Variants in PTPRG observed in about 807,000 individuals in gnomAD.
The protein encoded by PTPRG is protein tyrosine phosphatase receptor type G.
PTPRG carries 102 observed loss-of-function variants against 165.3 expected under a neutral mutation model. The observed-to-expected ratio is 0.62, with a 90% confidence interval of 0.53 to 0.73. The LOEUF is 0.73. PTPRG is among the 30% of genes least tolerant of loss of function. The pLI is 0.00. For synonymous variants in PTPRG, 675 were observed against 669.5 expected (o/e 1.01, Z -0.13); for missense variants, 1,866 against 1,861.4 (o/e 1.00, Z -0.05).
intron 1 of PTPRG, among the ~76,000 whole-genome samples, chr3:61,738,280 A>ATG (rs1491126528): frequency 2.3e-4 from 3 of 13,228 alleles, no homozygotes; most frequent in Non-Finnish European, 8.1e-4. Flanking sequence ...ATATATATAC[A>ATG]TATATATATA....
At chr3:62,057,907 G>A (rs1241256544) in intron 4 of PTPRG, among the ~76,000 whole-genome samples, 1 of 152,180 alleles carries the variant, frequency 6.6e-6, no homozygotes, top group African/African-American at 2.4e-5. Flanking sequence ...ATTGTATGGA[G>A]GAATCAGTGG....
At chr3:61,881,302 A>C (rs912201706) in intron 2 of PTPRG, among the ~76,000 whole-genome samples, 1 of 152,198 alleles carries the variant, frequency 6.6e-6, no homozygotes, top group Non-Finnish European at 1.5e-5. Flanking sequence ...TACTGCATCT[A>C]TCAACTTGGG....
At chr3:61,653,032 T>C (rs1479086709) in intron 1 of PTPRG, among the ~76,000 whole-genome samples, 1 of 152,224 alleles carries the variant, frequency 6.6e-6, no homozygotes, top group African/African-American at 2.4e-5. Flanking sequence ...TTTGTATTCA[T>C]TGCAGAACAT....
intron 2 of PTPRG, among the ~76,000 whole-genome samples, chr3:61,945,307 C>T (rs13090184): frequency 0.36 from 54,405 of 151,892 alleles, 10,413 homozygotes; most frequent in Non-Finnish European, 0.44. Flanking sequence ...CGCCTGTAAT[C>T]TCAGCACTTT....
In PTPRG at chr3:61,712,141, G is replaced by C. The variant is rs919661980; in HGVS notation, c.86-36737G>C. 1.3e-3 allele frequency among the ~76,000 whole-genome samples: 198 copies of C among 152,104 alleles called. 6 individuals are homozygous for C. Among genetic ancestry groups the C allele is most frequent in the Non-Finnish European group, 2.2e-4 (15 of 68,020 alleles). On this transcript the variant is annotated intron_variant, in intron 1 of 29. Coordinates refer to ENST00000474889, the MANE Select transcript of PTPRG (RefSeq NM_002841.4). ...ACTCCTGACCTTAGGTGACCCGCCT[G>C]CCTTGGCCTCCCAAAGTGCTAGGAT...
At chr3:61,600,075 A>C (rs1167649537) in intron 1 of PTPRG, among the ~76,000 whole-genome samples, 1 of 151,302 alleles carries the variant, frequency 6.6e-6, no homozygotes, top group Non-Finnish European at 1.5e-5. Flanking sequence ...CAGGAGAATC[A>C]CTTGAGCCCA....
At chr3:61,632,300 C>A (rs1228026500) in intron 1 of PTPRG, among the ~76,000 whole-genome samples, 1 of 140,554 alleles carries the variant, frequency 7.1e-6, no homozygotes, top group Non-Finnish European at 1.5e-5. Flanking sequence ...CAGAGTGAGA[C>A]CCTGTTACAC....
intron 19 of PTPRG, 59 bp from the exon 20 acceptor site, chr3:62,268,976 T>C: frequency 7.0e-7 from 1 of 1,426,026 alleles, no homozygotes; most frequent in East Asian, 2.4e-5. Context: ...GAAATTACAT[T>C]ATCAACAGAA....
chr3:61,808,392 C>T (rs1013674886), intron 2 of PTPRG, among the ~76,000 whole-genome samples: 11 of 152,112 alleles, frequency 7.2e-5, no homozygotes, highest in Non-Finnish European at 1.6e-4. Context: ...TGGCACTCAC[C>T]CCTATTCCTT....
At chr3:61,843,519 G>C (rs1306313524) in intron 2 of PTPRG, among the ~76,000 whole-genome samples, 1 of 152,106 alleles carries the variant, frequency 6.6e-6, no homozygotes, top group Non-Finnish European at 1.5e-5. Context: ...TCATTGAAAA[G>C]TTTTGGTGAA....
At chr3:61,733,536 T>C (rs191705506) in intron 1 of PTPRG, among the ~76,000 whole-genome samples, 8 of 152,318 alleles carry the variant, frequency 5.3e-5, no homozygotes, top group African/African-American at 1.7e-4. Context: ...TGCCTCCTGG[T>C]ACATGGTAAG....
intron 2 of PTPRG, among the ~76,000 whole-genome samples, chr3:61,890,215 C>G (rs1235373856): frequency 6.6e-6 from 1 of 152,082 alleles, no homozygotes; most frequent in Non-Finnish European, 1.5e-5. Flanking sequence ...TTATCCATAG[C>G]TTAGTATTTA....
intron 6 of PTPRG, among the ~76,000 whole-genome samples, chr3:62,136,132 C>G (rs2106936960): frequency 6.6e-6 from 1 of 152,224 alleles, no homozygotes; most frequent in South Asian, 2.1e-4. Context: ...AATCACACTC[C>G]CGTAGTGCTC....
intron 7 of PTPRG, among the ~76,000 whole-genome samples, chr3:62,158,905 T>C (rs1230715737): frequency 6.6e-6 from 1 of 152,130 alleles, no homozygotes. Flanking sequence ...CTAATGGTGA[T>C]GCCAACATTG....
chr3:61,654,365 A>G (rs1324458569), intron 1 of PTPRG, among the ~76,000 whole-genome samples: 1 of 152,010 alleles, frequency 6.6e-6, no homozygotes, highest in Non-Finnish European at 1.5e-5. Context: ...GTGAATATAT[A>G]TTTATGATAT....
intron 4 of PTPRG, among the ~76,000 whole-genome samples, chr3:62,039,511 T>G (rs1388701854): frequency 6.6e-6 from 1 of 152,120 alleles, no homozygotes; most frequent in Non-Finnish European, 1.5e-5. Context: ...GATGGGTGTT[T>G]ATTCTACATT....
At chr3:62,247,244 G>A (rs1701307038) in intron 15 of PTPRG, among the ~76,000 whole-genome samples, 1 of 152,046 alleles carries the variant, frequency 6.6e-6, no homozygotes, top group African/African-American at 2.4e-5. Flanking sequence ...CTAAGCAGTG[G>A]AGCTAACACT....
At chr3:61,798,675 C>T (rs997997876) in intron 2 of PTPRG, among the ~76,000 whole-genome samples, 3 of 134,646 alleles carry the variant, frequency 2.2e-5, no homozygotes, top group South Asian at 2.6e-4. Flanking sequence ...TTCACTTTTA[C>T]CTTTGGAAGG....
chr3:61,910,971 A>G (rs1314081253), intron 2 of PTPRG, among the ~76,000 whole-genome samples: 3 of 152,126 alleles, frequency 2.0e-5, no homozygotes, highest in Non-Finnish European at 4.4e-5. Flanking sequence ...CCTCTGCCTT[A>G]TTCTTCCAGC....
Sources: allele counts gnomAD v4.1 joint callset (sites outside exome capture counted in the v4.1 genomes callset), GRCh38; gene constraint gnomAD v4.1.1; transcripts MANE v1.5; gene names NCBI Gene and HGNC (gene_info 2026-07-23, HGNC 2026-07-21).